Variants in RMND1 observed in about 807,000 individuals in gnomAD.
RMND1 encodes required for meiotic nuclear division protein 1 homolog.
In RMND1, 41 loss-of-function variants were observed where a neutral mutation model predicts 54.0. The ratio of observed to expected loss-of-function variants is 0.76; its 90% CI spans 0.59 to 0.98. The LOEUF (loss-of-function observed/expected upper bound fraction) is 0.98. Ranked by LOEUF, RMND1 falls within the 50% of genes least tolerant of loss-of-function variation. The pLI is 0.00. For synonymous variants in RMND1, 183 were observed against 181.7 expected (o/e 1.01, Z -0.06); for missense variants, 457 against 532.0 (o/e 0.86, Z 1.39).
chr6:151,431,001 A>G (rs148789489), intron 4 of RMND1, among the ~76,000 whole-genome samples: 2 of 152,234 alleles, frequency 1.3e-5, no homozygotes, highest in African/African-American at 4.8e-5. Context: ...CAATCTAGAA[A>G]AGACTGGGAC....
intron 1 of RMND1, among the ~76,000 whole-genome samples, chr6:151,448,895 G>A (rs965909399): frequency 5.3e-5 from 8 of 151,928 alleles, no homozygotes; most frequent in Non-Finnish European, 8.8e-5. Flanking sequence ...TGGCCAACAC[G>A]GCGAAACCCC....
intron 1 of RMND1, among the ~76,000 whole-genome samples, chr6:151,446,892 C>T (rs900737769): frequency 1.9e-4 from 26 of 137,212 alleles, no homozygotes; most frequent in African/African-American, 8.2e-4. Context: ...CAGAATGAGA[C>T]TCTGTCTCAA....
chr6:151,426,147 C>A (rs1299631508), intron 6 of RMND1, among the ~76,000 whole-genome samples: 1 of 152,110 alleles, frequency 6.6e-6, no homozygotes, highest in Non-Finnish European at 1.5e-5. Context: ...TGGGGTTTCG[C>A]CATGTTGGCC....
chr6:151,445,666 C>T lies in RMND1; in HGVS notation c.146G>A (p.Ser49Asn). Reference sequence around the variant, plus strand: ...TTTATCAGGAAGGAACAAATCCAAGCTTTGACGTATTGTCAGTGTGCTGCA... The same window carrying T: ...TTTATCAGGAAGGAACAAATCCAAGTTTTGACGTATTGTCAGTGTGCTGCA... ...TTCSTLTIRQSLDLFLPDKTA... is the reference protein window; with the variant it reads ...TTCSTLTIRQNLDLFLPDKTA... The change falls in exon 2 of 12, where the codon AGC (serine) becomes AAC (asparagine). Residue 49 changes from serine to asparagine, a missense_variant. Transcript: ENST00000444024. The T allele has an allele frequency of 1.2e-6, 2 of 1,614,142 alleles. No homozygotes were observed. Among genetic ancestry groups the T allele is most frequent in the Non-Finnish European group, 1.7e-6 (2 of 1,180,020 alleles).
At chr6:151,441,433 C>T (rs185331306) in intron 2 of RMND1, among the ~76,000 whole-genome samples, 2 of 152,068 alleles carry the variant, frequency 1.3e-5, no homozygotes, top group Non-Finnish European at 2.9e-5. Flanking sequence ...TGGAATTTCA[C>T]GAGTGATGGG....
At chr6:151,430,740 T>A (rs558300381) in intron 4 of RMND1, among the ~76,000 whole-genome samples, 12 of 152,294 alleles carry the variant, frequency 7.9e-5, no homozygotes, top group Admixed American at 2.0e-4. Context: ...TTATTTAGGG[T>A]CTAAAACTAC....
chr6:151,439,949 C>T (rs944224168), intron 2 of RMND1, among the ~76,000 whole-genome samples: 19 of 152,096 alleles, frequency 1.2e-4, no homozygotes, highest in African/African-American at 3.9e-4. Flanking sequence ...CATCAGTGAC[C>T]GCACCCGGCC....
intron 10 of RMND1, among the ~76,000 whole-genome samples, chr6:151,410,872 G>A (rs955576684): frequency 1.3e-5 from 2 of 152,078 alleles, no homozygotes; most frequent in African/African-American, 4.8e-5. Context: ...TAGCTTCTTT[G>A]TAGATTCTTC....
intron 1 of RMND1, among the ~76,000 whole-genome samples, chr6:151,448,249 C>A (rs144145174): frequency 1.3e-5 from 2 of 152,290 alleles, no homozygotes; most frequent in East Asian, 3.9e-4. Context: ...ATTTTACTCT[C>A]TAAGCACCAC....
chr6:151,405,739 A>G lies in RMND1; in HGVS notation c.1298T>C (p.Val433Ala). The G allele has an allele frequency of 6.4e-7, 1 of 1,570,954 alleles. No homozygotes were observed. The highest frequency in any genetic ancestry group is 8.8e-7 in the Non-Finnish European group (1 of 1,140,842). Residue 433 changes from valine (V) to alanine (A), a missense_variant, in exon 11 of 12, where the codon GTC (valine) becomes GCC (alanine). By Grantham distance (64) the Val-to-Ala change is moderately conservative. Transcript: ENST00000444024. ...TCTTACCTCTATGGTAATGAGGATG[A>G]CAATCATCCACTCCAAGCGGAGTGC... is the stretch of plus-strand genomic sequence containing the variant. ...KRALRLEWMI[V>A]ILITIEVMFE... is the part of the protein sequence containing the mutation.
chr6:151,441,737 C>T (rs1261655775), intron 2 of RMND1, among the ~76,000 whole-genome samples: 1 of 152,194 alleles, frequency 6.6e-6, no homozygotes, highest in African/African-American at 2.4e-5. Context: ...ACAGAAGCTC[C>T]TAAGTTCCAG....
chr6:151,442,424 A>G (rs1443028285), intron 2 of RMND1, among the ~76,000 whole-genome samples: 2 of 152,228 alleles, frequency 1.3e-5, no homozygotes, highest in Non-Finnish European at 2.9e-5. Flanking sequence ...TATTAGCCTG[A>G]AAACATTCTC....
chr6:151,433,254 A>T (rs1434440734), intron 3 of RMND1, 24 bp from the exon 4 acceptor site: 1 of 1,545,146 alleles, frequency 6.5e-7, no homozygotes, highest in East Asian at 2.2e-5. Flanking sequence ...TAAACGAACA[A>T]AAAAGCTATG....
intron 2 of RMND1, 50 bp from the exon 3 acceptor site, chr6:151,436,604 C>A (rs1780624545): frequency 1.9e-6 from 3 of 1,595,920 alleles, no homozygotes; most frequent in Non-Finnish European, 2.6e-6. Context: ...GCTGAAGCAT[C>A]TGTGACGGCT....
intron 6 of RMND1, among the ~76,000 whole-genome samples, chr6:151,423,851 CTTT>C (rs34456849): frequency 4.3e-5 from 6 of 140,170 alleles, no homozygotes; most frequent in African/African-American, 2.6e-5. Flanking sequence ...TACAAGAAAA[CTTT>C]TTTTTTTTTT....
In RMND1 at chr6:151,445,645, T is replaced by C; in HGVS notation, c.167A>G (p.Asp56Gly). The change falls in exon 2 of 12, where the codon GAT becomes GGT. Residue 56 changes from aspartate (D) to glycine (G), a missense_variant. Asp to Gly is a moderately conservative substitution (Grantham distance 94). Transcript: ENST00000444024. ...IRQSLDLFLP[D>G]KTASGLNKSQ... ...CTTATTCAAACCACTAGCTGTTTTA[T>C]CAGGAAGGAACAAATCCAAGCTTTG... is the stretch of plus-strand genomic sequence containing the variant. 6.2e-7 allele frequency: 1 copy of C among 1,614,188 alleles called. No homozygotes were observed. The highest frequency in any genetic ancestry group is 8.5e-7 in the Non-Finnish European group (1 of 1,180,032).
chr6:151,416,075 T>G (rs2114927419), intron 10 of RMND1, among the ~76,000 whole-genome samples: 1 of 151,914 alleles, frequency 6.6e-6, no homozygotes, highest in Non-Finnish European at 1.5e-5. Context: ...ACTTCCTGGG[T>G]TCAAGCGATT....
At chr6:151,442,676 C>T (rs539362945) in intron 2 of RMND1, among the ~76,000 whole-genome samples, 5 of 150,738 alleles carry the variant, frequency 3.3e-5, no homozygotes, top group Non-Finnish European at 7.4e-5. Flanking sequence ...ACTACAGCTG[C>T]GCACCAGCAA....
At chr6:151,436,027 C>G (rs1780594607) in intron 3 of RMND1, among the ~76,000 whole-genome samples, 1 of 151,442 alleles carries the variant, frequency 6.6e-6, no homozygotes, top group Non-Finnish European at 1.5e-5. Flanking sequence ...ATCGCTTGAA[C>G]CTGGGAGGCG....
Sources: allele counts gnomAD v4.1 joint callset (sites outside exome capture counted in the v4.1 genomes callset), GRCh38; gene constraint gnomAD v4.1.1; transcripts MANE v1.5; gene names NCBI Gene and HGNC (gene_info 2026-07-23, HGNC 2026-07-21).